The following ANXA2 variants were observed in gnomAD, a reference collection of about 807,000 sequenced individuals.
ANXA2 encodes the protein annexin II.
ANXA2 carries 28 observed loss-of-function variants against 47.3 expected under a neutral mutation model. The observed-to-expected ratio is 0.59, with a 90% CI of 0.44 to 0.81. The LOEUF is 0.81. Ranked by LOEUF, ANXA2 falls within the 40% of genes least tolerant of loss-of-function variation. ANXA2 has a pLI of 0.00. For synonymous variants in ANXA2, 172 were observed against 155.5 expected (o/e 1.11, Z -0.79); for missense variants, 384 against 414.3 (o/e 0.93, Z 0.64).
intron 1 of ANXA2, among the ~76,000 whole-genome samples, chr15:60,388,060 C>A (rs868319802): frequency 6.6e-6 from 1 of 151,742 alleles, no homozygotes; most frequent in African/African-American, 2.4e-5. Context: ...TGGGGGCGGG[C>A]GCCTGTAATC....
intron 3 of ANXA2, among the ~76,000 whole-genome samples, chr15:60,380,371 C>T (rs1184106814): frequency 6.6e-6 from 1 of 151,714 alleles, no homozygotes; most frequent in African/African-American, 2.4e-5. Flanking sequence ...AACCTGGGCT[C>T]ACATACGCTC....
chr15:60,386,115 T>C (rs1187564929), intron 1 of ANXA2, 29 bp from the exon 2 acceptor site: 1 of 1,531,426 alleles, frequency 6.5e-7, no homozygotes, highest in African/African-American at 1.4e-5. Context: ...AAAAAGTCTT[T>C]ATGAAGAGGC....
chr15:60,366,373 C>A (rs1282355535), intron 3 of ANXA2, among the ~76,000 whole-genome samples: 1 of 150,486 alleles, frequency 6.6e-6, no homozygotes, highest in Non-Finnish European at 1.5e-5. Flanking sequence ...GCGCCTCTTC[C>A]CCGCCGCCAT....
chr15:60,352,065 G>C lies in ANXA2; in HGVS notation c.683-246C>G, dbSNP rs866438256. 4.6e-5 allele frequency among the ~76,000 whole-genome samples: 7 copies of C among 152,250 alleles called. No homozygotes were observed. The highest frequency in any genetic ancestry group is 3.4e-3 in the Middle Eastern group (1 of 294). ...TTTGGACCATCTCTATCTCCCCTGA[G>C]TGGAACCCATTCCATCCGAAAACCA... On this transcript the variant is annotated intron_variant, in intron 9 of 12. Coordinates refer to ENST00000451270, the MANE Select transcript of ANXA2 (RefSeq NM_004039.3). The surrounding 1 kb of genome is among the most constrained non-coding windows in gnomAD (Gnocchi z 4.2).
intron 3 of ANXA2, among the ~76,000 whole-genome samples, chr15:60,367,432 T>TG (rs765725955): frequency 0.037 from 140 of 3,810 alleles, 33 homozygotes; most frequent in South Asian, 0.069. Flanking sequence ...GGGAGGGAGG[T>TG]GGGGGGGGGG....
At chr15:60,378,993 T>G (rs1275927980) in intron 3 of ANXA2, among the ~76,000 whole-genome samples, 1 of 145,506 alleles carries the variant, frequency 6.9e-6, no homozygotes, top group African/African-American at 2.6e-5. Context: ...AGTAAATAAA[T>G]AAATAGGCCA....
At chr15:60,364,366 AGC>A in intron 4 of ANXA2, 61 bp downstream of exon 4, 1 of 1,315,262 alleles carries the variant, frequency 7.6e-7, no homozygotes, top group East Asian at 2.3e-5. Flanking sequence ...GAAAAGAAAA[AGC>A]AATGTCTGAG....
intron 12 of ANXA2, among the ~76,000 whole-genome samples, chr15:60,348,526 C>T (rs1233850227): frequency 3.3e-5 from 5 of 152,084 alleles, no homozygotes; most frequent in African/African-American, 4.8e-5. Flanking sequence ...GGGCGGATCA[C>T]GAGGTCAGGA....
At chr15:60,368,317 A>AAAAAAAAT (rs1555401437) in intron 3 of ANXA2, among the ~76,000 whole-genome samples, 5 of 44,302 alleles carry the variant, frequency 1.1e-4, no homozygotes, top group Admixed American at 7.6e-4. Flanking sequence ...ATAAAAAAAA[A>AAAAAAAAT]AAATAAAATA....
At chr15:60,389,226 G>A (rs370320121) in intron 1 of ANXA2, among the ~76,000 whole-genome samples, 6 of 152,268 alleles carry the variant, frequency 3.9e-5, no homozygotes, top group African/African-American at 1.2e-4. Context: ...AATGCCAAAC[G>A]TAAAACAAAA....
At chr15:60,356,545 G>C (rs538535815) in intron 6 of ANXA2, among the ~76,000 whole-genome samples, 1 of 152,170 alleles carries the variant, frequency 6.6e-6, no homozygotes, top group Non-Finnish European at 1.5e-5. Flanking sequence ...TGAGGTGATG[G>C]ATATCTCAAT....
chr15:60,374,982 G>C (rs1174754734), intron 3 of ANXA2, among the ~76,000 whole-genome samples: 5 of 152,172 alleles, frequency 3.3e-5, no homozygotes, highest in Non-Finnish European at 7.4e-5. Flanking sequence ...AGAGGAGAGA[G>C]GCTACTTTTC....
Position 60,354,215 on chromosome 15 carries a change from T to A in ANXA2, c.529-2A>T. The A allele has an allele frequency of 6.2e-7, 1 of 1,605,694 alleles. No individual in the cohort carries two copies. Among genetic ancestry groups the A allele is most frequent in the Non-Finnish European group, 8.5e-7 (1 of 1,176,830 alleles). ...AGAGCCATCCTCTGCTCTTCTACCC[T>A]ATGGGGGAAAGAAAAAGAACTTCAA... is the stretch of plus-strand genomic sequence containing the variant. On this transcript the variant is annotated splice_acceptor_variant, in intron 7 of 12. Transcript: ENST00000451270. LOFTEE classifies it high-confidence loss of function.
intron 1 of ANXA2, chr15:60,391,345 G>C (rs1206542229): frequency 2.6e-5 from 4 of 152,316 alleles, no homozygotes; most frequent in Non-Finnish European, 5.9e-5. Context: ...TGTCTGCCTA[G>C]GCTGAGAAGG....
At chr15:60,380,967 T>C (rs1295876048) in intron 3 of ANXA2, among the ~76,000 whole-genome samples, 3 of 152,198 alleles carry the variant, frequency 2.0e-5, no homozygotes, top group Non-Finnish European at 2.9e-5. Flanking sequence ...CCTCACATCT[T>C]GTTAGAACCA....
At chr15:60,380,740 G>T (rs2062846183) in intron 3 of ANXA2, among the ~76,000 whole-genome samples, 2 of 140,374 alleles carry the variant, frequency 1.4e-5, no homozygotes, top group Non-Finnish European at 3.0e-5. Flanking sequence ...GGAGGTGGAG[G>T]TTGCAGTGAG....
At chr15:60,371,334 G>A (rs1337290168) in intron 3 of ANXA2, among the ~76,000 whole-genome samples, 4 of 152,200 alleles carry the variant, frequency 2.6e-5, no homozygotes, top group African/African-American at 7.2e-5. Context: ...AAACCTGGGG[G>A]TCATGGGTCC....
chr15:60,365,192 G>A (rs955733413), intron 3 of ANXA2, among the ~76,000 whole-genome samples: 2 of 151,634 alleles, frequency 1.3e-5, no homozygotes, highest in Non-Finnish European at 2.9e-5. Context: ...ATTAAAAAGA[G>A]TAAGTGTTTT....
intron 8 of ANXA2, 90 bp downstream of exon 8, chr15:60,354,064 G>T (rs2062387870): frequency 9.9e-7 from 1 of 1,005,658 alleles, no homozygotes. Flanking sequence ...GAGTTTGGGA[G>T]TCATTTGTCA....
Sources: gnomAD v4.1 joint callset for allele counts (sites outside exome capture counted in the v4.1 genomes callset) on GRCh38, gnomAD v4.1.1 for gene constraint, Gnocchi (gnomAD v3.1) non-coding constraint, MANE v1.5 for transcripts, NCBI Gene and HGNC (gene_info 2026-07-23, HGNC 2026-07-21) for gene names.